The following GNAT3 variants were observed in gnomAD, a reference collection of about 807,000 sequenced individuals.
GNAT3 encodes G protein subunit alpha transducin 3.
GNAT3 carries 31 observed loss-of-function variants against 37.7 expected under a neutral mutation model. The ratio of observed to expected loss-of-function variants is 0.82; its 90% CI spans 0.62 to 1.11. GNAT3 has a LOEUF of 1.11. Ranked by LOEUF, GNAT3 falls within the 50% of genes most tolerant of loss-of-function variation. The pLI is 0.00. For synonymous variants in GNAT3, 138 were observed against 139.8 expected (o/e 0.99, Z 0.09); for missense variants, 437 against 412.5 (o/e 1.06, Z -0.51).
intron 7 of GNAT3, 102 bp from the exon 8 acceptor site, chr7:80,458,963 A>G (rs1248608661): frequency 2.6e-6 from 2 of 756,202 alleles, no homozygotes; most frequent in Non-Finnish European, 4.1e-6. Context: ...TTTGATATAC[A>G]AAGTATTGCA....
At chr7:80,472,066 A>G (rs1790230508) in intron 5 of GNAT3, among the ~76,000 whole-genome samples, 1 of 152,124 alleles carries the variant, frequency 6.6e-6, no homozygotes, top group Admixed American at 6.6e-5. Context: ...TCGGGGGCAT[A>G]TGAGATAGAA....
At chr7:80,473,391 G>C (rs886679320) in intron 5 of GNAT3, among the ~76,000 whole-genome samples, 2 of 151,974 alleles carry the variant, frequency 1.3e-5, no homozygotes, top group African/African-American at 4.8e-5. Flanking sequence ...ATAAATTTAT[G>C]ATGTTGATTA....
intron 1 of GNAT3, 56 bp downstream of exon 1, chr7:80,511,753 A>AT: frequency 1.0e-6 from 1 of 954,362 alleles, no homozygotes; most frequent in Non-Finnish European, 1.7e-6. Context: ...AAAAGTAAAT[A>AT]TATCACAATT....
chr7:80,464,221 T>A (rs1790097999), intron 5 of GNAT3, among the ~76,000 whole-genome samples: 1 of 151,898 alleles, frequency 6.6e-6, no homozygotes, highest in African/African-American at 2.4e-5. Context: ...AAAATAGACT[T>A]CAGATATCCA....
chr7:80,493,884 C>G (rs1364702688), intron 2 of GNAT3, among the ~76,000 whole-genome samples: 4 of 144,492 alleles, frequency 2.8e-5, no homozygotes, highest in African/African-American at 1.0e-4. Flanking sequence ...TCCTCCTCCT[C>G]TTTCCTCCTC....
intron 4 of GNAT3, among the ~76,000 whole-genome samples, chr7:80,478,405 T>C (rs1790339247): frequency 2.0e-5 from 3 of 152,306 alleles, no homozygotes; most frequent in African/African-American, 7.2e-5. Context: ...TAGAATTTTG[T>C]ATCATGGTCA....
intron 2 of GNAT3, among the ~76,000 whole-genome samples, chr7:80,492,534 A>T (rs1431701895): frequency 3.3e-5 from 5 of 151,792 alleles, no homozygotes; most frequent in Non-Finnish European, 7.4e-5. Flanking sequence ...GTAACTTTGC[A>T]ACCTAATTGC....
chr7:80,462,863 C>T (rs907703427), intron 5 of GNAT3, among the ~76,000 whole-genome samples: 1 of 152,130 alleles, frequency 6.6e-6, no homozygotes, highest in Non-Finnish European at 1.5e-5. Context: ...ATAATTTACA[C>T]ACTGACTTTG....
chr7:80,500,066 A>G (rs1443704465), intron 1 of GNAT3, among the ~76,000 whole-genome samples: 1 of 152,126 alleles, frequency 6.6e-6, no homozygotes, highest in East Asian at 1.9e-4. Context: ...ACCATACCCC[A>G]TGTAAGAGCC....
intron 1 of GNAT3, among the ~76,000 whole-genome samples, chr7:80,496,604 G>A (rs936570194): frequency 3.3e-5 from 5 of 151,992 alleles, no homozygotes; most frequent in Admixed American, 6.6e-5. Flanking sequence ...TAAATTTCAC[G>A]TTGCAAAGAA....
intron 1 of GNAT3, among the ~76,000 whole-genome samples, chr7:80,498,410 C>T (rs754605628): frequency 9.9e-5 from 15 of 152,108 alleles, no homozygotes; most frequent in Non-Finnish European, 2.2e-4. Flanking sequence ...AAAAAGGTGT[C>T]TGTACCATCC....
chr7:80,471,796 C>T (rs1311905778), intron 5 of GNAT3, among the ~76,000 whole-genome samples: 1 of 152,034 alleles, frequency 6.6e-6, no homozygotes, highest in East Asian at 1.9e-4. Context: ...TGGGGGAAAT[C>T]TTTTATCTCA....
intron 1 of GNAT3, among the ~76,000 whole-genome samples, chr7:80,501,062 GT>G (rs1288450099): frequency 6.6e-6 from 1 of 152,158 alleles, no homozygotes; most frequent in East Asian, 1.9e-4. Flanking sequence ...TTCTAAAAAT[GT>G]TTATGTAATT....
chr7:80,510,535 T>C (rs1385300449), intron 1 of GNAT3, among the ~76,000 whole-genome samples: 1 of 152,186 alleles, frequency 6.6e-6, no homozygotes, highest in Non-Finnish European at 1.5e-5. Flanking sequence ...TGTGTCCATA[T>C]TACTTTCACT....
At chr7:80,490,999 A>C (rs1790580662) in intron 2 of GNAT3, among the ~76,000 whole-genome samples, 1 of 152,130 alleles carries the variant, frequency 6.6e-6, no homozygotes, top group African/African-American at 2.4e-5. Context: ...TGGCAAGGAG[A>C]TTGATCTTGA....
chr7:80,510,056 G>A (rs1317834197), intron 1 of GNAT3, among the ~76,000 whole-genome samples: 1 of 152,092 alleles, frequency 6.6e-6, no homozygotes, highest in African/African-American at 2.4e-5. Context: ...GTGCTGAACA[G>A]TAGATCTCTT....
At chr7:80,498,612 A>G (rs540848050) in intron 1 of GNAT3, among the ~76,000 whole-genome samples, 1 of 152,164 alleles carries the variant, frequency 6.6e-6, no homozygotes. Context: ...CATAGTTCAC[A>G]ATAGTCATTT....
intron 5 of GNAT3, among the ~76,000 whole-genome samples, chr7:80,471,088 C>T (rs1050946449): frequency 6.0e-5 from 9 of 150,356 alleles, no homozygotes; most frequent in Admixed American, 5.3e-4. Flanking sequence ...TCCCAGCCTA[C>T]ATCTTTCTAT....
intron 5 of GNAT3, 93 bp from the exon 6 acceptor site, chr7:80,462,724 C>T (rs1790071992): frequency 1.0e-5 from 9 of 894,740 alleles, no homozygotes; most frequent in Non-Finnish European, 1.5e-5. Flanking sequence ...TGGGTGATCC[C>T]CTATCTTCAA....
Sources: gnomAD v4.1 joint callset for allele counts (sites outside exome capture counted in the v4.1 genomes callset) on GRCh38, gnomAD v4.1.1 for gene constraint, MANE v1.5 for transcripts, NCBI Gene and HGNC (gene_info 2026-07-23, HGNC 2026-07-21) for gene names.